Variants in PLEC observed in about 807,000 individuals in gnomAD.
PLEC encodes the protein plectin, also known as hemidesmosomal protein 1.
PLEC carries 216 observed loss-of-function variants against 392.8 expected under a neutral mutation model. The observed-to-expected ratio is 0.55, with a 90% CI of 0.49 to 0.62. The LOEUF (loss-of-function observed/expected upper bound fraction) is 0.62, where lower values mean the gene tolerates loss of function less well. PLEC is among the 20% of genes least tolerant of loss of function. The probability of loss-of-function intolerance (pLI) is 0.00; values close to 1 mark genes in which losing one functional copy is unlikely to be tolerated. For synonymous variants in PLEC, 3,621 were observed against 2,980.6 expected (o/e 1.21, Z -7.00); for missense variants, 6,863 against 6,563.4 (o/e 1.05, Z -1.58).
chr8:143,944,784 C>G (rs1377263876), intron 1 of PLEC: 40 of 1,088,086 alleles, frequency 3.7e-5, no homozygotes, highest in Non-Finnish European at 4.5e-5. Context: ...AGGGCACGGC[C>G]GTGCTGCTGT....
Position 143,916,237 on chromosome 8 carries a change from G to A in PLEC, c.13584C>T (p.Gly4528=). 6.5e-7 allele frequency: 1 copy of A among 1,546,648 alleles called. No individual in the cohort carries two copies. Among genetic ancestry groups the A allele is most frequent in the Non-Finnish European group, 8.7e-7 (1 of 1,145,812 alleles). The change falls in exon 32 of 32, where the codon GGC becomes GGT. Residue 4528 remains glycine (G), a synonymous_variant. Transcript: ENST00000345136. ...SSSSYSSSGY[G]RRYASGSSAS... ...CCGAGGACCCCGAGGCGTAGCGGCG[G>A]CCGTAGCCCGAGGAGGAGTAGGAGG...
In PLEC at chr8:143,916,504, C is replaced by T; in HGVS notation, c.13317G>A (p.Lys4439=). ...GAYSKYLTCP[K]TKLKISYKDA... ...CCTTATAGGAGATCTTGAGCTTGGT[C>T]TTAGGGCAGGTGAGGTACTTGGAGT... The change falls in exon 32 of 32, where the codon AAG becomes AAA. Residue 4439 remains lysine, a synonymous_variant. Coordinates refer to ENST00000345136, the MANE Select transcript of PLEC (RefSeq NM_201384.3). The T allele has an allele frequency of 6.2e-7, 1 of 1,611,858 alleles. No homozygotes were observed. The highest frequency in any genetic ancestry group is 8.5e-7 in the Non-Finnish European group (1 of 1,179,474).
chr8:143,932,748 G>A, intron 14 of PLEC, 36 bp from the exon 15 acceptor site: 3 of 1,608,952 alleles, frequency 1.9e-6, no homozygotes, highest in Non-Finnish European at 2.5e-6. Context: ...TGCAGTGGCT[G>A]GGCCCGGCCC....
intron 25 of PLEC, 33 bp from the exon 26 acceptor site, chr8:143,928,025 T>G: frequency 6.4e-7 from 1 of 1,570,402 alleles, no homozygotes; most frequent in African/African-American, 1.3e-5. Flanking sequence ...GGCCATGACA[T>G]GGGGCTCGAG....
chr8:143,917,578 G>C lies in PLEC; in HGVS notation c.12243C>G (p.Thr4081=), dbSNP rs185022156. 6.2e-6 allele frequency: 10 copies of C among 1,613,750 alleles called. No individual in the cohort carries two copies. The East Asian group carries it at 1.1e-4, about 18-fold the overall frequency. ...AGCCCTTGGTGTCGTCCGAGGGGTC[G>C]GTCAGGATCTCGTTCATCTCCTCAT... ...LFDEEMNEIL[T]DPSDDTKGFF... The change falls in exon 32 of 32, where the codon ACC becomes ACG. Residue 4081 remains threonine (T), a synonymous_variant. Coordinates refer to ENST00000345136, the MANE Select transcript of PLEC (RefSeq NM_201384.3).
intron 1 of PLEC, chr8:143,944,666 G>C: frequency 3.7e-6 from 5 of 1,340,634 alleles, no homozygotes; most frequent in Non-Finnish European, 4.8e-6. Flanking sequence ...ATCTTCATCG[G>C]GGACGGTGGC....
At chr8:143,948,186 T>C (rs11136340) in intron 1 of PLEC, among the ~76,000 whole-genome samples, 15,380 of 152,152 alleles carry the variant, frequency 0.1, 2,401 homozygotes, top group African/African-American at 0.33. Context: ...GGGGCCTCAC[T>C]GCAGGGGTAC....
upstream of PLEC, chr8:143,944,038 G>A: frequency 7.9e-7 from 1 of 1,263,772 alleles, no homozygotes; most frequent in African/African-American, 1.5e-5. Context: ...CCCATACGCG[G>A]CGGCAGCCCC....
rs367679924 is a variant in PLEC, at chr8:143,924,050, C to T, written c.5879G>A (p.Arg1960His). The change falls in exon 31 of 32, where the codon CGC (arginine) becomes CAC (histidine). Residue 1960 changes from arginine (R) to histidine (H), a missense_variant. Coordinates refer to ENST00000345136, the MANE Select transcript of PLEC (RefSeq NM_201384.3). ...RIRSNAEDTL[R>H]SKEQAELEAA... ...CTCCAGCTCGGCCTGCTCCTTGCTG[C>T]GCAGCGTGTCCTCCGCGTTGCTGCG... 7.6e-5 allele frequency: 121 copies of T among 1,596,312 alleles called. No individual in the cohort carries two copies. The highest frequency in any genetic ancestry group is 4.8e-4 in the Admixed American group (29 of 59,846).
In PLEC at chr8:143,924,884, T is replaced by A. The variant is rs1554699490; in HGVS notation, c.5045A>T (p.Gln1682Leu). 1 of 1,589,446 alleles carries A rather than the reference T, an allele frequency of 6.3e-7. No homozygotes were observed. Among genetic ancestry groups the A allele is most frequent in the African/African-American group, 1.3e-5 (1 of 74,688 alleles). Residue 1682 changes from glutamine (Q) to leucine (L), a missense_variant, in exon 31 of 32, where the codon CAG (glutamine) becomes CTG (leucine). By Grantham distance (113) the Gln-to-Leu change is moderately radical. Transcript: ENST00000345136. ...EARRRGKAEE[Q>L]AVRQRELAEQ... Reference sequence around the variant, plus strand: ...AGCCAGCTCCCGCTGCCGGACGGCCTGCTCCTCCGCCTTGCCGCGCCGCCG... The same window carrying A: ...AGCCAGCTCCCGCTGCCGGACGGCCAGCTCCTCCGCCTTGCCGCGCCGCCG...
chr8:143,917,148 C>T lies in PLEC; in HGVS notation c.12673G>A (p.Gly4225Ser), dbSNP rs782770333. The change falls in exon 32 of 32, where the codon GGC (glycine) becomes AGC (serine). Residue 4225 changes from glycine to serine, a missense_variant. Gly to Ser is a moderately conservative substitution (Grantham distance 56, BLOSUM62 0). Transcript: ENST00000345136. ...DRSALDQYRA[G>S]TLSITEFADM... Reference sequence around the variant, plus strand: ...GCGAACTCGGTGATGGAGAGCGTGCCGGCGCGGTACTGGTCCAGTGCCGAG... The same window carrying T: ...GCGAACTCGGTGATGGAGAGCGTGCTGGCGCGGTACTGGTCCAGTGCCGAG... The T allele has an allele frequency of 1.2e-5, 19 of 1,604,684 alleles. No individual in the cohort carries two copies. The highest frequency in any genetic ancestry group is 6.7e-5 in the East Asian group (3 of 44,582).
At chr8:143,961,087 G>A (rs781907119) in intron 1 of PLEC, among the ~76,000 whole-genome samples, 2 of 152,236 alleles carry the variant, frequency 1.3e-5, no homozygotes, top group African/African-American at 2.4e-5. Flanking sequence ...TCTGACAGAC[G>A]CTTTCTCTGG....
chr8:143,945,066 GC>G, intron 1 of PLEC: 1 of 405,900 alleles, frequency 2.5e-6, no homozygotes, highest in Non-Finnish European at 4.8e-6. Flanking sequence ...CCACCCACCT[GC>G]CCTGCCAAGC....
chr8:143,963,291 T>C (rs1374307747), intron 1 of PLEC, among the ~76,000 whole-genome samples: 1 of 152,120 alleles, frequency 6.6e-6, no homozygotes, highest in Admixed American at 6.5e-5. Flanking sequence ...TGCTACCCTT[T>C]GAGAAAAAGG....
rs782243173 is a variant in PLEC at position 143,918,109 on chromosome 8, G to A, written c.11712C>T (p.Asp3904=). The A allele has an allele frequency of 2.2e-5, 35 of 1,598,360 alleles. No individual in the cohort carries two copies. The highest frequency in any genetic ancestry group is 6.7e-5 in the African/African-American group (5 of 74,922). Residue 3904 remains aspartate (D), a synonymous_variant, in exon 32 of 32, where the codon GAC becomes GAT. Coordinates refer to ENST00000345136, the MANE Select transcript of PLEC (RefSeq NM_201384.3). ...MEELVRSQVM[D]EATALQLREG... is the part of the protein sequence containing the mutation. ...CCCGCAGCTGCAGCGCCGTGGCCTCGTCCATGACCTGCGAGCGCACCAGCT... is the reference window on the plus strand; with the variant it reads ...CCCGCAGCTGCAGCGCCGTGGCCTCATCCATGACCTGCGAGCGCACCAGCT...
At position 143,929,601 on chromosome 8, in the gene PLEC, C is replaced by T. The variant is rs781945435; in HGVS notation, c.2924-30G>A. ...GGAACACATGTGGGTCACTCCACCGCCCACCTCGCACCAGCCCAACCGCCC... is the reference window on the plus strand; with the variant it reads ...GGAACACATGTGGGTCACTCCACCGTCCACCTCGCACCAGCCCAACCGCCC... On this transcript the variant is annotated intron_variant, in intron 23 of 31. Coordinates refer to ENST00000345136, the MANE Select transcript of PLEC (RefSeq NM_201384.3). 5 of 1,611,210 alleles carry T rather than the reference C, an allele frequency of 3.1e-6. No homozygotes were observed. In the African/African-American group the frequency reaches 5.3e-5, roughly 17 times the overall value.
chr8:143,973,580 C>G, upstream of PLEC: 2 of 989,398 alleles, frequency 2.0e-6, no homozygotes, highest in Non-Finnish European at 2.4e-6. This position sits in a 1 kb window ranked among gnomAD's most constrained non-coding sequence, Gnocchi z 5.6. Context: ...GCCCCGCCCC[C>G]GCCCCGCCCC....
At position 143,934,315 on chromosome 8, in the gene PLEC, C is replaced by A. The variant is rs782070756; in HGVS notation, c.1169+3G>T. ...TCCCCTGCCACCACAGGGCCCCACC[C>A]ACCTCTCAAACTCGCTGCGGAGCTG... On this transcript the variant is annotated splice_donor_region_variant and intron_variant, in intron 11 of 31. Coordinates refer to ENST00000345136, the MANE Select transcript of PLEC (RefSeq NM_201384.3). 4.3e-6 allele frequency: 7 copies of A among 1,611,924 alleles called. No individual in the cohort carries two copies. The highest frequency in any genetic ancestry group is 5.1e-6 in the Non-Finnish European group (6 of 1,179,924).
rs782439302 is a variant in PLEC at position 143,934,334 on chromosome 8, G to A, written c.1153C>T (p.Arg385Cys). The A allele has an allele frequency of 7.8e-5, 125 of 1,612,228 alleles. No homozygotes were observed. The highest frequency in any genetic ancestry group is 9.0e-5 in the Non-Finnish European group (106 of 1,179,936). ...VAILEREKQL[R>C]SEFERLECLQ... ...CCCACCCACCTCTCAAACTCGCTGC[G>A]GAGCTGCTTCTCCCGCTCCAGGATG... The change falls in exon 11 of 32, where the codon CGC becomes TGC. Residue 385 changes from arginine (R) to cysteine (C), a missense_variant. Physicochemically the swap from Arg to Cys is radical, Grantham distance 180. Transcript: ENST00000345136.
Sources: gnomAD v4.1 joint callset for allele counts (sites outside exome capture counted in the v4.1 genomes callset) on GRCh38, gnomAD v4.1.1 for gene constraint, Gnocchi (gnomAD v3.1) non-coding constraint, MANE v1.5 for transcripts, NCBI Gene and HGNC (gene_info 2026-07-23, HGNC 2026-07-21) for gene names.